The following ZNF469 variants were observed in gnomAD, a reference collection of about 807,000 sequenced individuals.
ZNF469 encodes the protein zinc finger protein 469.
Under a neutral mutation model 1.0 loss-of-function variants are expected in ZNF469, and 1 was observed. The ratio of observed to expected loss-of-function variants is 1.00; its 90% CI spans 0.35 to 4.73. The LOEUF (loss-of-function observed/expected upper bound fraction) is 4.73, where lower values mean the gene tolerates loss of function less well. Among genes scored for constraint, ZNF469 ranks in the 30% most tolerant of loss-of-function variants. ZNF469 has a pLI of 0.16. For synonymous variants in ZNF469, 2,703 were observed against 2,363.4 expected (o/e 1.14, Z -4.17); for missense variants, 6,100 against 5,356.3 (o/e 1.14, Z -4.33).
At chr16:88,247,519 A>C in the ZNF469 span, among the ~76,000 whole-genome samples, 452 of 139,274 alleles carry the variant, frequency 3.2e-3, 1 homozygote, top group African/African-American at 0.011. Context: ...TGAGTGAGTG[A>C]GTGAATGAGT....
At chr16:88,168,814 C>T in the ZNF469 span, among the ~76,000 whole-genome samples, 1 of 152,174 alleles carries the variant, frequency 6.6e-6, no homozygotes, top group African/African-American at 2.4e-5. This position sits in a 1 kb window ranked among gnomAD's most constrained non-coding sequence, Gnocchi z 4.3. Context: ...GACTCTGAGG[C>T]TGGGCTTTGT....
rs1334731026 is a variant in ZNF469, at chr16:88,396,138, C to T, written c.-192+12884C>T. 1.3e-5 allele frequency among the ~76,000 whole-genome samples: 2 copies of T among 152,238 alleles called. 1 individual carries two copies. The highest frequency in any genetic ancestry group is 4.1e-4 in the South Asian group (2 of 4,836). ...TTTTTCAGGTGCTTGTACTTTGGGT[C>T]TGTTGAGTGCGAGTGACAGAAACAC... On this transcript the variant is annotated intron_variant, in intron 1 of 2. Transcript: ENST00000565624.
At chr16:88,122,124 G>A in the ZNF469 span, among the ~76,000 whole-genome samples, 3 of 146,970 alleles carry the variant, frequency 2.0e-5, no homozygotes, top group African/African-American at 7.4e-5. Context: ...ACTCACTGTG[G>A]CCACAGTGGC....
At position 88,430,111 on chromosome 16, in the gene ZNF469, T is replaced by C; in HGVS notation, c.2641T>C (p.Ser881Pro). The stretch of plus-strand genomic sequence containing the variant: ...GCCTTCCGGCCCCAGAGGTCCCAGC[T>C]CCGGACACCCCCTTAAGAGCAAGGC... ...EEPSGPRGPS[S>P]GHPLKSKAGV... Residue 881 changes from serine to proline, a missense_variant, in exon 3 of 3, where the codon TCC becomes CCC. By Grantham distance (74) the Ser-to-Pro change is moderately conservative. Transcript: ENST00000565624. 1 of 1,545,808 alleles carries C rather than the reference T, an allele frequency of 6.5e-7. No homozygotes were observed. The highest frequency in any genetic ancestry group is 8.7e-7 in the Non-Finnish European group (1 of 1,146,910).
rs1364635064 is a variant in ZNF469, at chr16:88,433,788, T to C, written c.6318T>C (p.Ser2106=). 2.6e-6 allele frequency: 4 copies of C among 1,549,712 alleles called. No individual in the cohort carries two copies. In the South Asian group the frequency reaches 4.8e-5, roughly 18 times the overall value. Residue 2106 remains serine (S), a synonymous_variant, in exon 3 of 3, where the codon TCT becomes TCC. Coordinates refer to ENST00000565624, the MANE Select transcript of ZNF469 (RefSeq NM_001367624.2). The part of the protein sequence containing the change: ...LLATGDSPAP[S]VGDLAACAPS... ...CCACAGGGGATAGCCCAGCACCCTC[T>C]GTCGGGGACCTGGCCGCCTGCGCCC...
chr16:88,109,680 G>A, the ZNF469 span, among the ~76,000 whole-genome samples: 9 of 150,304 alleles, frequency 6.0e-5, no homozygotes, highest in African/African-American at 2.0e-4. Context: ...TCCGGGATCA[G>A]GAGGTGCTGA....
the ZNF469 span, among the ~76,000 whole-genome samples, chr16:88,338,236 G>T: frequency 8.3e-6 from 1 of 120,214 alleles, no homozygotes; most frequent in East Asian, 2.0e-4. Context: ...CGGAAGGCAG[G>T]GGTCCCATGG....
chr16:88,152,976 T>C, the ZNF469 span, among the ~76,000 whole-genome samples: 1 of 152,210 alleles, frequency 6.6e-6, no homozygotes, highest in African/African-American at 2.4e-5. The surrounding 1 kb of genome is among the most constrained non-coding windows in gnomAD (Gnocchi z 4.2). Flanking sequence ...TGGCGGGGCA[T>C]GCCCCCAGCA....
chr16:88,439,502 G>C lies in ZNF469; in HGVS notation c.*170G>C, dbSNP rs1019921016. 16 of 749,880 alleles carry C rather than the reference G, an allele frequency of 2.1e-5. No individual in the cohort carries two copies. The African/African-American group carries it at 2.5e-4, about 12-fold the overall frequency. 46.5% of individuals were successfully genotyped at this position (749,880 alleles called of 1,614,324 possible). A position where few individuals can be genotyped will look rare whatever the true frequency, so the allele number is the denominator to read the frequency against. On this transcript the variant is annotated 3_prime_UTR_variant, in exon 3 of 3. Transcript: ENST00000565624. ...GTGGTGATGCTTTGAACAGGGCCCA[G>C]GTGGGCAGCATTCCCTTTCTTGCTG...
intron 1 of ZNF469, among the ~76,000 whole-genome samples, chr16:88,387,777 C>G (rs984356216): frequency 6.6e-6 from 1 of 152,180 alleles, no homozygotes; most frequent in Non-Finnish European, 1.5e-5. Flanking sequence ...TATGGTGGAC[C>G]TGGGGCTCCT....
At chr16:88,221,383 G>T in the ZNF469 span, among the ~76,000 whole-genome samples, 1 of 152,186 alleles carries the variant, frequency 6.6e-6, no homozygotes, top group Non-Finnish European at 1.5e-5. Context: ...GTGCCTGGCC[G>T]CCACACTTCC....
In ZNF469 at chr16:88,428,879, C is replaced by T. The variant is rs1383423927; in HGVS notation, c.1409C>T (p.Pro470Leu). The T allele has an allele frequency of 6.5e-7, 1 of 1,548,330 alleles. No homozygotes were observed. Among genetic ancestry groups the T allele is most frequent in the Admixed American group, 2.0e-5 (1 of 50,954 alleles). The change falls in exon 3 of 3, where the codon CCA becomes CTA. Residue 470 changes from proline to leucine, a missense_variant. By Grantham distance (98) the Pro-to-Leu change is moderately conservative. Transcript: ENST00000565624. The stretch of plus-strand genomic sequence containing the variant: ...ATGTTCTTTAACGGCCAGCCCAGCC[C>T]AGGCCAGCGGCTCTGCCTCCCCCAG... Reference protein sequence around the residue: ...RSMFFNGQPSPGQRLCLPQSA... With the variant: ...RSMFFNGQPSLGQRLCLPQSA...
At chr16:88,231,673 CTG>C in the ZNF469 span, among the ~76,000 whole-genome samples, 1 of 152,194 alleles carries the variant, frequency 6.6e-6, no homozygotes, top group Non-Finnish European at 1.5e-5. The surrounding 1 kb of genome is among the most constrained non-coding windows in gnomAD (Gnocchi z 4.5). Context: ...CTCTCTGACT[CTG>C]TGTTCCTTCT....
intron 1 of ZNF469, among the ~76,000 whole-genome samples, chr16:88,400,748 C>A (rs1357333703): frequency 6.6e-6 from 1 of 152,062 alleles, no homozygotes; most frequent in Non-Finnish European, 1.5e-5. Flanking sequence ...TGTGGGTCCG[C>A]AAACAGTCTA....
intron 1 of ZNF469, among the ~76,000 whole-genome samples, chr16:88,412,501 G>A (rs1905199327): frequency 6.6e-6 from 1 of 152,232 alleles, no homozygotes; most frequent in African/African-American, 2.4e-5. Context: ...CTGCTCCAAT[G>A]GCGGTTCCAG....
At chr16:88,194,172 G>C in the ZNF469 span, 1 of 152,232 alleles carries the variant, frequency 6.6e-6, no homozygotes, top group Non-Finnish European at 1.5e-5. Flanking sequence ...TCCTACAGAC[G>C]AGAGACTGCA....
chr16:88,283,869 CA>C, the ZNF469 span, among the ~76,000 whole-genome samples: 2 of 140,164 alleles, frequency 1.4e-5, no homozygotes, highest in Non-Finnish European at 3.1e-5. Flanking sequence ...GGTAGACCCC[CA>C]GTGTGTCCGG....
the ZNF469 span, among the ~76,000 whole-genome samples, chr16:88,250,493 G>C: frequency 6.6e-6 from 1 of 152,142 alleles, no homozygotes; most frequent in African/African-American, 2.4e-5. Context: ...GCTTCACTGA[G>C]ATTCTTAGAA....
the ZNF469 span, among the ~76,000 whole-genome samples, chr16:88,316,595 G>A: frequency 2.3e-5 from 3 of 129,990 alleles, no homozygotes; most frequent in Non-Finnish European, 4.6e-5. Flanking sequence ...CGCTCAGGCT[G>A]GAGTGCAGTG....
Sources: gnomAD v4.1 joint callset for allele counts (sites outside exome capture counted in the v4.1 genomes callset) on GRCh38, gnomAD v4.1.1 for gene constraint, Gnocchi (gnomAD v3.1) non-coding constraint, MANE v1.5 for transcripts, NCBI Gene and HGNC (gene_info 2026-07-23, HGNC 2026-07-21) for gene names.